The following SLCO1A2 variants were observed in gnomAD, a reference collection of about 807,000 sequenced individuals.
SLCO1A2 encodes the protein solute carrier organic anion transporter family member 1A2, also known as OATP-1.
A neutral mutation model predicts 69.0 loss-of-function variants in SLCO1A2; 67 were observed. That is an observed-to-expected ratio of 0.97 (90% CI 0.80 to 1.19). SLCO1A2 has a LOEUF of 1.19. Ranked by LOEUF, SLCO1A2 falls within the 50% of genes most tolerant of loss-of-function variation. SLCO1A2 has a pLI of 0.00. For synonymous variants in SLCO1A2, 260 were observed against 265.9 expected (o/e 0.98, Z 0.22); for missense variants, 787 against 793.7 (o/e 0.99, Z 0.10).
At chr12:21,333,896 C>T (rs1952761236) in intron 2 of SLCO1A2, among the ~76,000 whole-genome samples, 1 of 151,798 alleles carries the variant, frequency 6.6e-6, no homozygotes. Context: ...GTTTAAATTT[C>T]CCCAACACAC....
intron 2 of SLCO1A2, chr12:21,372,743 A>G (rs1474225908): frequency 2.6e-5 from 4 of 154,314 alleles, no homozygotes; most frequent in Non-Finnish European, 5.7e-5. Flanking sequence ...ATATTTACTG[A>G]TGAGTTAATG....
intron 1 of SLCO1A2, among the ~76,000 whole-genome samples, chr12:21,375,900 CAATGAGAAAAA>C (rs11269500): frequency 0.17 from 25,697 of 151,894 alleles, 2,220 homozygotes; most frequent in Non-Finnish European, 0.18. Flanking sequence ...TCCAGGTAGT[CAATGAGAAAAA>C]AATGCCTGAA....
chr12:21,363,952 G>A (rs1406607729), intron 2 of SLCO1A2, among the ~76,000 whole-genome samples: 4 of 152,100 alleles, frequency 2.6e-5, no homozygotes, highest in South Asian at 2.1e-4. Context: ...ATTCACAGCC[G>A]AATTCTACCA....
At chr12:21,302,525 C>A (rs143698329) in intron 6 of SLCO1A2, among the ~76,000 whole-genome samples, 94 of 151,680 alleles carry the variant, frequency 6.2e-4, no homozygotes, top group Non-Finnish European at 9.9e-4. Flanking sequence ...AACCTTATTT[C>A]TCCCTCTTGA....
upstream of SLCO1A2, among the ~76,000 whole-genome samples, chr12:21,398,544 A>T (rs2137181712): frequency 6.6e-6 from 1 of 152,052 alleles, no homozygotes; most frequent in East Asian, 1.9e-4. Flanking sequence ...CATCATTCTG[A>T]TACCAAAGCC....
chr12:21,337,159 G>A (rs1390304181), upstream of SLCO1A2, among the ~76,000 whole-genome samples: 1 of 151,984 alleles, frequency 6.6e-6, no homozygotes, highest in Non-Finnish European at 1.5e-5. Context: ...ACATTGTTAT[G>A]TAGTAGATCT....
chr12:21,382,280 A>C (rs1328636290), intron 1 of SLCO1A2, among the ~76,000 whole-genome samples: 2 of 152,200 alleles, frequency 1.3e-5, no homozygotes, highest in Non-Finnish European at 2.9e-5. Flanking sequence ...CTAAGCTATC[A>C]GTTATGCAAA....
chr12:21,302,659 T>G (rs1948864942), intron 6 of SLCO1A2, among the ~76,000 whole-genome samples: 1 of 151,940 alleles, frequency 6.6e-6, no homozygotes, highest in Non-Finnish European at 1.5e-5. Context: ...CGGGTTCAAG[T>G]GATTCTCCTG....
At chr12:21,404,504 G>A (rs973196382) in intron 1 of SLCO1A2, among the ~76,000 whole-genome samples, 2 of 152,136 alleles carry the variant, frequency 1.3e-5, no homozygotes, top group African/African-American at 2.4e-5. Context: ...TTCTGTTCCT[G>A]CATTAGTTTG....
At chr12:21,370,021 G>T (rs1199538251) in intron 2 of SLCO1A2, among the ~76,000 whole-genome samples, 1 of 152,070 alleles carries the variant, frequency 6.6e-6, no homozygotes, top group African/African-American at 2.4e-5. Context: ...ATCATTCAAG[G>T]TGTTGTAACA....
intron 2 of SLCO1A2, 93 bp from the exon 3 acceptor site, chr12:21,319,016 T>C (rs1951242735): frequency 1.1e-6 from 1 of 932,452 alleles, no homozygotes; most frequent in Non-Finnish European, 1.6e-6. Flanking sequence ...ATAAGACTGA[T>C]TGTCTCCAAC....
intron 9 of SLCO1A2, among the ~76,000 whole-genome samples, chr12:21,296,319 G>A (rs1369413219): frequency 6.6e-6 from 1 of 152,024 alleles, no homozygotes; most frequent in Non-Finnish European, 1.5e-5. Flanking sequence ...TAGCTGACTG[G>A]AGCCTCAGCT....
At chr12:21,314,709 T>A (rs1360574784) in intron 3 of SLCO1A2, 28 bp from the exon 4 acceptor site, 7 of 1,530,566 alleles carry the variant, frequency 4.6e-6, no homozygotes, top group African/African-American at 1.4e-5. Context: ...ATAATCATTT[T>A]AAAAAGTATG....
chr12:21,364,571 T>G (rs983645889), intron 2 of SLCO1A2, among the ~76,000 whole-genome samples: 3 of 152,014 alleles, frequency 2.0e-5, no homozygotes, highest in Non-Finnish European at 2.9e-5. Flanking sequence ...GAGAAAGAAA[T>G]AAAGGGTATT....
chr12:21,283,099 C>T (rs1346756813), intron 12 of SLCO1A2, among the ~76,000 whole-genome samples: 1 of 152,066 alleles, frequency 6.6e-6, no homozygotes, highest in African/African-American at 2.4e-5. Flanking sequence ...ACAAAAGATC[C>T]AGGATAGCCA....
intron 2 of SLCO1A2, among the ~76,000 whole-genome samples, chr12:21,360,964 G>A (rs545504124): frequency 1.2e-3 from 177 of 152,328 alleles, no homozygotes; most frequent in Non-Finnish European, 1.9e-3. Context: ...TAGGGGCAGG[G>A]CATAGCTGAA....
Position 21,304,177 on chromosome 12 carries a change from G to A in SLCO1A2, c.589+250C>T, listed in dbSNP as rs542787436. On this transcript the variant is annotated intron_variant, in intron 6 of 14. Coordinates refer to ENST00000683939, the MANE Select transcript of SLCO1A2 (RefSeq NM_001386879.1). ...GGATGTAGTGTAGTGCCAAGCAGAT[G>A]AAAGGGTCACCTCCAGGGGCACTAG... Among the ~76,000 whole-genome samples the A allele has an allele frequency of 6.6e-5, 10 of 152,256 alleles. No homozygotes were observed. The East Asian group carries it at 1.9e-3, about 29-fold the overall frequency.
At chr12:21,360,785 A>T (rs1202992755) in intron 2 of SLCO1A2, among the ~76,000 whole-genome samples, 1 of 152,192 alleles carries the variant, frequency 6.6e-6, no homozygotes, top group Non-Finnish European at 1.5e-5. Context: ...AGGCTCGCTC[A>T]CTGCTAGCAC....
intron 2 of SLCO1A2, among the ~76,000 whole-genome samples, chr12:21,326,572 A>T (rs1565500850): frequency 1.3e-5 from 2 of 152,156 alleles, no homozygotes; most frequent in Admixed American, 6.5e-5. Context: ...GTCCAGACTG[A>T]GGTGTTCTCA....
Sources: gnomAD v4.1 joint callset for allele counts (sites outside exome capture counted in the v4.1 genomes callset) on GRCh38, gnomAD v4.1.1 for gene constraint, MANE v1.5 for transcripts, NCBI Gene and HGNC (gene_info 2026-07-23, HGNC 2026-07-21) for gene names.